The following ASB10 variants were observed in gnomAD, a reference collection of about 807,000 sequenced individuals.
ASB10 encodes the protein ankyrin repeat and SOCS box protein 10.
Under a neutral mutation model 35.4 loss-of-function variants are expected in ASB10, and 44 were observed. That is an observed-to-expected ratio of 1.24 (90% CI 0.98 to 1.60). The LOEUF is 1.60. Ranked by LOEUF, ASB10 falls within the 40% of genes most tolerant of loss-of-function variation. The probability of loss-of-function intolerance (pLI) is 0.00; values close to 1 mark genes in which losing one functional copy is unlikely to be tolerated. For missense variants in ASB10, 647 were observed against 634.3 expected (o/e 1.02, Z -0.22); for synonymous variants, 294 against 280.4 (o/e 1.05, Z -0.49).
Position 151,181,464 on chromosome 7 carries a change from G to T in ASB10, c.585-6C>A. On this transcript the variant is annotated splice_region_variant and splice_polypyrimidine_tract_variant and intron_variant, in intron 2 of 5. Coordinates refer to ENST00000420175, the MANE Select transcript of ASB10 (RefSeq NM_001142459.2). ...TGAGGAGCAGCTCCGCACACCTATTGGGGGGAGACGGTGGTGGGGAGGAAA... is the reference window on the plus strand; with the variant it reads ...TGAGGAGCAGCTCCGCACACCTATTTGGGGGAGACGGTGGTGGGGAGGAAA... 6.4e-7 allele frequency: 1 copy of T among 1,570,616 alleles called. No homozygotes were observed. Among genetic ancestry groups the T allele is most frequent in the African/African-American group, 1.3e-5 (1 of 74,246 alleles).
Position 151,178,649 on chromosome 7 carries a change from C to T in ASB10, c.1105-1973G>A, listed in dbSNP as rs116244365. ...GTGGGGGTTTAACAGACTCTGTCTG[C>T]AAGGAGAGGAGACCCTTCTGTCTGT... On this transcript the variant is annotated intron_variant, in intron 3 of 5. Coordinates refer to ENST00000420175, the MANE Select transcript of ASB10 (RefSeq NM_001142459.2). 1.5e-3 allele frequency among the ~76,000 whole-genome samples: 225 copies of T among 152,328 alleles called. 2 individuals are homozygous for T. Among genetic ancestry groups the T allele is most frequent in the African/African-American group, 5.1e-3 (214 of 41,574 alleles).
Position 151,181,122 on chromosome 7 carries a change from T to C in ASB10, c.921A>G (p.Ala307=), listed in dbSNP as rs1364337805. The change falls in exon 3 of 6, where the codon GCA becomes GCG. Residue 307 remains alanine (A), a synonymous_variant. Coordinates refer to ENST00000420175, the MANE Select transcript of ASB10 (RefSeq NM_001142459.2). The part of the protein sequence containing the change: ...PLHLACRRGH[A]AVVELLLSCG... ...AGGACAGGAGCAGCTCCACGACAGC[T>C]GCATGGCCACGGCGGCAGGCCAGGT... 1 of 1,612,004 alleles carries C rather than the reference T, an allele frequency of 6.2e-7. No individual in the cohort carries two copies. Among genetic ancestry groups the C allele is most frequent in the Non-Finnish European group, 8.5e-7 (1 of 1,179,418 alleles).
intron 3 of ASB10, 50 bp from the exon 4 acceptor site, chr7:151,176,726 C>A (rs1273628068): frequency 7.9e-7 from 1 of 1,266,040 alleles, no homozygotes; most frequent in South Asian, 1.3e-5. Context: ...ACACAGTGAC[C>A]AGACAGCTCC....
chr7:151,185,498 C>A (rs1317552335), intron 2 of ASB10, among the ~76,000 whole-genome samples: 2 of 152,078 alleles, frequency 1.3e-5, no homozygotes, highest in East Asian at 3.9e-4. Flanking sequence ...CTGGGCCACG[C>A]TAGTAAAGAA....
chr7:151,186,836 G>T lies in ASB10; in HGVS notation c.295C>A (p.Arg99Ser). 6.2e-7 allele frequency: 1 copy of T among 1,604,034 alleles called. No homozygotes were observed. The highest frequency in any genetic ancestry group is 8.5e-7 in the Non-Finnish European group (1 of 1,173,206). Residue 99 changes from arginine (R) to serine (S), a missense_variant, in exon 1 of 6, where the codon CGC becomes AGC. Physicochemically the swap from Arg to Ser is moderately radical, Grantham distance 110 (BLOSUM62 -1). Transcript: ENST00000420175. ...GTACTCAGAGCACGGATGTTGAAGCGGAAATCCCTCCATCGCTCTGGGTCG... is the reference window on the plus strand; with the variant it reads ...GTACTCAGAGCACGGATGTTGAAGCTGAAATCCCTCCATCGCTCTGGGTCG... ...TSDPERWRDF[R>S]FNIRALRLWS...
intron 3 of ASB10, among the ~76,000 whole-genome samples, chr7:151,177,852 G>C (rs539732998): frequency 6.6e-6 from 1 of 152,340 alleles, no homozygotes; most frequent in East Asian, 1.9e-4. Context: ...TTCGAATCCA[G>C]CAGTGGGGAA....
chr7:151,187,017 G>A lies in ASB10; in HGVS notation c.114C>T (p.His38=), dbSNP rs1801612024. ...VEKPSRGSEE[H]LKSGPGPIVT... The stretch of plus-strand genomic sequence containing the variant: ...CGATGGGTCCCGGGCCAGACTTGAG[G>A]TGCTCCTCAGACCCTCTGCTGGGCT... Residue 38 remains histidine, a synonymous_variant, in exon 1 of 6, where the codon CAC becomes CAT. Coordinates refer to ENST00000420175, the MANE Select transcript of ASB10 (RefSeq NM_001142459.2). The surrounding 1 kb of genome is among the most constrained non-coding windows in gnomAD (Gnocchi z 5.3). 2 of 1,610,936 alleles carry A rather than the reference G, an allele frequency of 1.2e-6. No homozygotes were observed. The highest frequency in any genetic ancestry group is 2.7e-5 in the African/African-American group (2 of 74,990).
Position 151,180,961 on chromosome 7 carries a change from A to ACGGGGAGGGCCCCTGGCCAGG in ASB10, c.1081_1082insCCTGGCCAGGGGCCCTCCCCG (p.Arg360_Val361insAlaTrpProGlyAlaLeuPro), listed in dbSNP as rs1468931792. 1 of 1,561,352 alleles carries ACGGGGAGGGCCCCTGGCCAGG rather than the reference A, an allele frequency of 6.4e-7. No individual in the cohort carries two copies. The highest frequency in any genetic ancestry group is 1.4e-5 in the African/African-American group (1 of 73,876). On this transcript the variant is annotated inframe_insertion, in exon 3 of 6. Coordinates refer to ENST00000420175, the MANE Select transcript of ASB10 (RefSeq NM_001142459.2). ...TACCTTGGGGAGGGCCCCTGGCCAG[A>ACGGGGAGGGCCCCTGGCCAGG]CACGGACGGCGCCATGGTTGAGCAG...
chr7:151,178,167 T>C lies in ASB10; in HGVS notation c.1105-1491A>G, dbSNP rs138324738. ...GGGAGGCTAAGGCAAGAGAATCTCT[T>C]GAGCCTGGGAGGCAGAGGTTGCAGT... is the stretch of plus-strand genomic sequence containing the variant. On this transcript the variant is annotated intron_variant, in intron 3 of 5. Transcript: ENST00000420175. Among the ~76,000 whole-genome samples the C allele has an allele frequency of 1.5e-3, 234 of 152,280 alleles. 1 individual carries two copies. Among genetic ancestry groups the C allele is most frequent in the African/African-American group, 5.4e-3 (223 of 41,548 alleles).
chr7:151,186,454 G>T lies in ASB10; in HGVS notation c.522C>A (p.Pro174=). 6.3e-7 allele frequency: 1 copy of T among 1,593,038 alleles called. No individual in the cohort carries two copies. Among genetic ancestry groups the T allele is most frequent in the East Asian group, 2.3e-5 (1 of 43,700 alleles). The part of the protein sequence containing the change: ...VHVLLVAGAD[P]NIADQDGKRP... The stretch of plus-strand genomic sequence containing the variant: ...GTTTCCCATCCTGGTCAGCGATGTT[G>T]GGGTCGGCTCCTGCCACCAGCAGCA... Residue 174 remains proline (P), a synonymous_variant, in exon 2 of 6, where the codon CCC becomes CCA. Coordinates refer to ENST00000420175, the MANE Select transcript of ASB10 (RefSeq NM_001142459.2).
intron 2 of ASB10, 37 bp from the exon 3 acceptor site, chr7:151,181,495 C>T (rs1801493712): frequency 6.5e-7 from 1 of 1,542,482 alleles, no homozygotes; most frequent in Non-Finnish European, 8.8e-7. Flanking sequence ...GGAAAGCGGG[C>T]ACGGACCCCT....
rs745563747 is a variant in ASB10 at position 151,176,186 on chromosome 7, CT to C, written c.1329del (p.Ala444ArgfsTer34). 14 of 1,611,052 alleles carry C rather than the reference CT, an allele frequency of 8.7e-6. No homozygotes were observed. The highest frequency in any genetic ancestry group is 1.2e-5 in the Non-Finnish European group (14 of 1,179,592). On this transcript the variant is annotated frameshift_variant, in exon 5 of 6. Transcript: ENST00000420175. LOFTEE classifies it high-confidence loss of function. ...LRSHLEGSLP[Q>X]ALPRLPLPPR... The stretch of plus-strand genomic sequence containing the variant: ...GGTGGCAGGGGGAGGCGGGGCAGCG[CT>C]TGGGGCAGGCTGCCCTCCAGGTGGG...
chr7:151,183,594 T>C (rs1055332770), intron 2 of ASB10, among the ~76,000 whole-genome samples: 1 of 152,134 alleles, frequency 6.6e-6, no homozygotes, highest in African/African-American at 2.4e-5. Flanking sequence ...GTTTGCTTGT[T>C]TGTTTTTTTG....
Position 151,185,128 on chromosome 7 carries a change from T to G in ASB10, c.584+1264A>C, listed in dbSNP as rs1309649697. Among the ~76,000 whole-genome samples, 855 of 150,120 alleles carry G rather than the reference T, an allele frequency of 5.7e-3. 5 individuals are homozygous for G. The highest frequency in any genetic ancestry group is 0.019 in the African/African-American group (776 of 40,912). On this transcript the variant is annotated intron_variant, in intron 2 of 5. Transcript: ENST00000420175. ...CATATTTGTCTTTTTTTTTTTTTTT[T>G]TGTGAGACAAAGTCTCACTTTGTCT... is the stretch of plus-strand genomic sequence containing the variant.
Position 151,176,120 on chromosome 7 carries a change from G to A in ASB10, c.1396C>T (p.Leu466Phe). The A allele has an allele frequency of 1.9e-6, 3 of 1,611,328 alleles. No individual in the cohort carries two copies. The highest frequency in any genetic ancestry group is 4.5e-5 in the East Asian group (2 of 44,866). ...RYLQLDFEGV[L>F]Y Reference sequence around the variant, plus strand: ...CAGATCCCGGGGCTCACCTAGTAGAGCACGCCCTCAAAATCCAGCTGCAGG... The same window carrying A: ...CAGATCCCGGGGCTCACCTAGTAGAACACGCCCTCAAAATCCAGCTGCAGG... The change falls in exon 5 of 6, where the codon CTC becomes TTC. Residue 466 changes from leucine (L) to phenylalanine (F), a missense_variant. Transcript: ENST00000420175.
chr7:151,187,107 T>G lies in ASB10; in HGVS notation c.24A>C (p.Glu8Asp). The G allele has an allele frequency of 6.3e-7, 1 of 1,596,352 alleles. No homozygotes were observed. The highest frequency in any genetic ancestry group is 8.5e-7 in the Non-Finnish European group (1 of 1,171,602). The change falls in exon 1 of 6, where the codon GAA (glutamate) becomes GAC (aspartate). Residue 8 changes from glutamate to aspartate, a missense_variant. Coordinates refer to ENST00000420175, the MANE Select transcript of ASB10 (RefSeq NM_001142459.2). The surrounding 1 kb of genome is among the most constrained non-coding windows in gnomAD (Gnocchi z 5.3). Reference protein sequence around the residue: MLMSWSPEECKGQGEPLD... With the variant: MLMSWSPDECKGQGEPLD... The stretch of plus-strand genomic sequence containing the variant: ...GGGGCTCTCCCTGCCCCTTGCACTC[T>G]TCTGGAGACCAACTCATGAGCATGT...
chr7:151,179,161 A>C (rs572152863), intron 3 of ASB10, among the ~76,000 whole-genome samples: 3 of 152,274 alleles, frequency 2.0e-5, no homozygotes. Context: ...AGTGTTAAGC[A>C]CTAGGCTTGA....
chr7:151,185,673 C>CA (rs1801575977), intron 2 of ASB10, among the ~76,000 whole-genome samples: 1 of 152,156 alleles, frequency 6.6e-6, no homozygotes, highest in Non-Finnish European at 1.5e-5. Flanking sequence ...AGAGAGAGGG[C>CA]CTCTATAGGA....
Position 151,181,291 on chromosome 7 carries a change from G to A in ASB10, c.752C>T (p.Pro251Leu). The part of the protein sequence containing the change: ...PDARNAEGWT[P>L]LLAACDVRCQ... The stretch of plus-strand genomic sequence containing the variant: ...GCGGACGTCACAGGCAGCCAGCAGT[G>A]GGGTCCAGCCTTCGGCATTGCGGGC... Residue 251 changes from proline (P) to leucine (L), a missense_variant, in exon 3 of 6, where the codon CCA (proline) becomes CTA (leucine). Physicochemically the swap from Pro to Leu is moderately conservative, Grantham distance 98 (BLOSUM62 -3). Transcript: ENST00000420175. 1 of 1,613,194 alleles carries A rather than the reference G, an allele frequency of 6.2e-7. No homozygotes were observed.
Sources: allele counts gnomAD v4.1 joint callset (sites outside exome capture counted in the v4.1 genomes callset), GRCh38; gene constraint gnomAD v4.1.1; non-coding constraint Gnocchi (gnomAD v3.1); transcripts MANE v1.5; gene names NCBI Gene and HGNC (gene_info 2026-07-23, HGNC 2026-07-21).